PHLPP1: variants seen among roughly 807,000 people sequenced by gnomAD.
PHLPP1 encodes the protein PH domain leucine-rich repeat-containing protein phosphatase 1.
Under a neutral mutation model 117.2 loss-of-function variants are expected in PHLPP1, and 42 were observed. That is an observed-to-expected ratio of 0.36 (90% CI 0.28 to 0.46). The LOEUF is 0.46. PHLPP1 is among the 20% of genes least tolerant of loss of function. The pLI is 1.00. For missense variants in PHLPP1, 2,084 were observed against 2,241.9 expected (o/e 0.93, Z 1.42); for synonymous variants, 1,042 against 970.7 (o/e 1.07, Z -1.37).
At chr18:62,864,330 C>G (rs1472752782) in intron 4 of PHLPP1, among the ~76,000 whole-genome samples, 1 of 152,132 alleles carries the variant, frequency 6.6e-6, no homozygotes, top group African/African-American at 2.4e-5. Flanking sequence ...CTGCCCCTCC[C>G]TTTTATAAGG....
chr18:62,931,878 G>GA (rs61550621), intron 10 of PHLPP1, among the ~76,000 whole-genome samples: 1,460 of 76,434 alleles, frequency 0.019, 23 homozygotes, highest in African/African-American at 0.037. Context: ...CTGGGCGACA[G>GA]AAAAAAAAAA....
intron 4 of PHLPP1, among the ~76,000 whole-genome samples, chr18:62,887,383 C>T (rs148629294): frequency 9.4e-4 from 143 of 152,302 alleles, no homozygotes; most frequent in African/African-American, 3.3e-3. Flanking sequence ...GATATATCCA[C>T]TGCTTTAGTG....
chr18:62,917,434 GTTTAACA>G (rs1909324365), intron 9 of PHLPP1, among the ~76,000 whole-genome samples: 1 of 150,138 alleles, frequency 6.7e-6, no homozygotes, highest in Non-Finnish European at 1.5e-5. Context: ...GTGTGTGTGT[GTTTAACA>G]TGTGGGACAA....
intron 3 of PHLPP1, among the ~76,000 whole-genome samples, chr18:62,849,797 C>CAA (rs1159265423): frequency 0.011 from 84 of 7,400 alleles, 30 homozygotes; most frequent in South Asian, 0.031. Context: ...CCTGTCTCTA[C>CAA]AAAAAAAAAA....
intron 4 of PHLPP1, among the ~76,000 whole-genome samples, chr18:62,881,180 G>A (rs1384672013): frequency 1.3e-5 from 2 of 152,094 alleles, no homozygotes; most frequent in African/African-American, 2.4e-5. Context: ...GAAGGTCAAG[G>A]CTGCAGTGAG....
chr18:62,847,527 A>G (rs1275164142), intron 3 of PHLPP1, among the ~76,000 whole-genome samples: 2 of 152,194 alleles, frequency 1.3e-5, no homozygotes, highest in African/African-American at 2.4e-5. Context: ...AATAACTTCT[A>G]GGGCTCAAGG....
chr18:62,734,025 A>AT (rs1247565044), intron 1 of PHLPP1, among the ~76,000 whole-genome samples: 3 of 152,124 alleles, frequency 2.0e-5, no homozygotes, highest in Non-Finnish European at 2.9e-5. Flanking sequence ...ATTCGTTTTG[A>AT]TTTTTTGAAA....
chr18:62,850,058 G>A (rs1187898289), intron 3 of PHLPP1, among the ~76,000 whole-genome samples: 1 of 144,202 alleles, frequency 6.9e-6, no homozygotes, highest in African/African-American at 2.5e-5. Flanking sequence ...TATTAGACTT[G>A]GAAATTAAAC....
rs1427786520 is a variant in PHLPP1, at chr18:62,716,227, C to T, written c.544C>T (p.Arg182Trp). 6.5e-7 allele frequency: 1 copy of T among 1,528,482 alleles called. No individual in the cohort carries two copies. The highest frequency in any genetic ancestry group is 8.7e-7 in the Non-Finnish European group (1 of 1,143,540). 94.7% of individuals were successfully genotyped at this position (1,528,482 alleles called of 1,614,324 possible). ...LDRKTLLLKHRQTLQLQPSDR... is the reference protein window; with the variant it reads ...LDRKTLLLKHWQTLQLQPSDR... ...CAGGAAGACGCTGCTTCTGAAGCAC[C>T]GGCAGACGCTGCAGCTGCAGCCGTC... Residue 182 changes from arginine to tryptophan, a missense_variant, in exon 1 of 17, where the codon CGG (arginine) becomes TGG (tryptophan). Around this residue, in one of 2 missense-constraint regions of PHLPP1, gnomAD observed 719 missense variants for 636.0 expected, o/e 1.13. Transcript: ENST00000262719. This position sits in a 1 kb window ranked among gnomAD's most constrained non-coding sequence, Gnocchi z 5.7.
chr18:62,863,620 A>G (rs1915690219), intron 4 of PHLPP1, among the ~76,000 whole-genome samples: 1 of 152,192 alleles, frequency 6.6e-6, no homozygotes, highest in Admixed American at 6.5e-5. Context: ...TTTAGACCAT[A>G]TAGAGTAACT....
intron 10 of PHLPP1, among the ~76,000 whole-genome samples, chr18:62,923,109 G>A (rs1303223463): frequency 2.6e-5 from 4 of 152,174 alleles, no homozygotes. Flanking sequence ...AGCAGTGTTA[G>A]CTAAAGGCAT....
chr18:62,961,759 A>C (rs1482023735), intron 13 of PHLPP1, among the ~76,000 whole-genome samples: 1 of 152,212 alleles, frequency 6.6e-6, no homozygotes, highest in Non-Finnish European at 1.5e-5. Context: ...CTTATTGTAA[A>C]ACAAGGTATT....
chr18:62,717,588 G>A (rs1046542780), intron 1 of PHLPP1, among the ~76,000 whole-genome samples: 1 of 152,136 alleles, frequency 6.6e-6, no homozygotes, highest in Non-Finnish European at 1.5e-5. Context: ...GGCATGTTGG[G>A]TTTCAGGCAG....
chr18:62,936,940 G>A (rs1909987398), intron 10 of PHLPP1, among the ~76,000 whole-genome samples: 1 of 152,228 alleles, frequency 6.6e-6, no homozygotes, highest in South Asian at 2.1e-4. Flanking sequence ...TTCGGAGACA[G>A]AAATCAGAGG....
At chr18:62,842,576 C>G (rs576869473) in intron 3 of PHLPP1, among the ~76,000 whole-genome samples, 275 of 152,166 alleles carry the variant, frequency 1.8e-3, no homozygotes, top group African/African-American at 6.5e-3. Flanking sequence ...GTTGGCCAGG[C>G]TGGTCTTGAA....
In PHLPP1 at chr18:62,895,817, A is replaced by C. The variant is rs145325917; in HGVS notation, c.2250A>C (p.Gln750His). The C allele has an allele frequency of 6.2e-7, 1 of 1,613,126 alleles. No homozygotes were observed. The highest frequency in any genetic ancestry group is 8.5e-7 in the Non-Finnish European group (1 of 1,179,230). Residue 750 changes from glutamine to histidine, a missense_variant, in exon 6 of 17, where the codon CAA becomes CAC. Coordinates refer to ENST00000262719, the MANE Select transcript of PHLPP1 (RefSeq NM_194449.4). Reference protein sequence around the residue: ...QTFLLDGNFLQSLPAELENMK... With the variant: ...QTFLLDGNFLHSLPAELENMK... Reference sequence around the variant, plus strand: ...TTTTGTTGGATGGAAACTTTCTCCAATCCCTTCCTGCTGAGTTGGAGAACA... The same window carrying C: ...TTTTGTTGGATGGAAACTTTCTCCACTCCCTTCCTGCTGAGTTGGAGAACA...
intron 1 of PHLPP1, among the ~76,000 whole-genome samples, chr18:62,766,072 A>AT (rs1197342415): frequency 4.5e-4 from 9 of 20,202 alleles, no homozygotes; most frequent in South Asian, 2.0e-3. Context: ...AAAAAAAAAA[A>AT]AAAAATATAT....
At chr18:62,965,126 A>G (rs116477404) in intron 14 of PHLPP1, among the ~76,000 whole-genome samples, 3,186 of 152,296 alleles carry the variant, frequency 0.021, 99 homozygotes, top group African/African-American at 0.071. Context: ...GTCCCAGGCT[A>G]TGCTTGGCCC....
chr18:62,904,412 G>T (rs944483789), intron 7 of PHLPP1, among the ~76,000 whole-genome samples: 7 of 152,312 alleles, frequency 4.6e-5, no homozygotes, highest in African/African-American at 1.7e-4. Flanking sequence ...TGAAAATAGT[G>T]TGTACAGAAT....
Sources: allele counts gnomAD v4.1 joint callset (sites outside exome capture counted in the v4.1 genomes callset), GRCh38; gene constraint gnomAD v4.1.1; regional missense constraint gnomAD v4.1.1; non-coding constraint Gnocchi (gnomAD v3.1); transcripts MANE v1.5; gene names NCBI Gene and HGNC (gene_info 2026-07-23, HGNC 2026-07-21).